Variants in PTPRG observed in about 807,000 individuals in gnomAD.
The protein encoded by PTPRG is receptor-type tyrosine-protein phosphatase gamma.
PTPRG carries 102 observed loss-of-function variants against 165.3 expected under a neutral mutation model. The observed-to-expected ratio is 0.62, with a 90% CI of 0.53 to 0.73. The LOEUF (loss-of-function observed/expected upper bound fraction) is 0.73, where lower values mean the gene tolerates loss of function less well. Ranked by LOEUF, PTPRG falls within the 30% of genes least tolerant of loss-of-function variation. PTPRG has a pLI of 0.00. For missense variants in PTPRG, 1,866 were observed against 1,861.4 expected (o/e 1.00, Z -0.05); for synonymous variants, 675 against 669.5 (o/e 1.01, Z -0.13).
chr3:61,789,363 C>T (rs537744020), intron 2 of PTPRG, among the ~76,000 whole-genome samples: 2 of 152,148 alleles, frequency 1.3e-5, no homozygotes, highest in Non-Finnish European at 2.9e-5. Context: ...CAGCCTCAGC[C>T]TCTCAAAGTG....
intron 5 of PTPRG, among the ~76,000 whole-genome samples, chr3:62,105,210 A>C (rs962885521): frequency 6.6e-6 from 1 of 152,174 alleles, no homozygotes; most frequent in African/African-American, 2.4e-5. Context: ...CACAAAGACA[A>C]ATAACATGTT....
chr3:62,131,077 C>T (rs1703496824), intron 5 of PTPRG, among the ~76,000 whole-genome samples: 1 of 152,130 alleles, frequency 6.6e-6, no homozygotes, highest in African/African-American at 2.4e-5. Flanking sequence ...TCACTATTAA[C>T]TCATAGAGCA....
At chr3:61,994,844 C>T (rs1395038381) in intron 3 of PTPRG, among the ~76,000 whole-genome samples, 1 of 152,182 alleles carries the variant, frequency 6.6e-6, no homozygotes, top group Non-Finnish European at 1.5e-5. Flanking sequence ...TGCTGCTCTG[C>T]TCAGACACAG....
intron 2 of PTPRG, among the ~76,000 whole-genome samples, chr3:61,901,746 C>T (rs915253006): frequency 2.6e-5 from 4 of 152,158 alleles, no homozygotes; most frequent in Admixed American, 6.5e-5. Context: ...CTAGGGTGAC[C>T]ACCTGCTCCT....
At chr3:61,933,895 A>C (rs1005434815) in intron 2 of PTPRG, among the ~76,000 whole-genome samples, 1 of 152,250 alleles carries the variant, frequency 6.6e-6, no homozygotes, top group African/African-American at 2.4e-5. Context: ...TCTCCACTGC[A>C]GAAATTCACC....
intron 1 of PTPRG, among the ~76,000 whole-genome samples, chr3:61,624,710 C>T (rs994700294): frequency 2.0e-5 from 3 of 152,210 alleles, no homozygotes; most frequent in African/African-American, 7.2e-5. Context: ...CATAATAGTA[C>T]TCACCTTCTA....
At chr3:62,041,577 T>C (rs984813238) in intron 4 of PTPRG, among the ~76,000 whole-genome samples, 2 of 152,220 alleles carry the variant, frequency 1.3e-5, no homozygotes, top group African/African-American at 4.8e-5. Flanking sequence ...ATTTCTCCCA[T>C]TGTGCTTAGA....
chr3:61,900,312 T>C (rs940026437), intron 2 of PTPRG, among the ~76,000 whole-genome samples: 1 of 152,216 alleles, frequency 6.6e-6, no homozygotes, highest in Non-Finnish European at 1.5e-5. Context: ...CCCATGAATT[T>C]GAGAATTTAA....
chr3:61,699,006 A>T (rs2030779713), intron 1 of PTPRG, among the ~76,000 whole-genome samples: 1 of 151,330 alleles, frequency 6.6e-6, no homozygotes, highest in Non-Finnish European at 1.5e-5. Flanking sequence ...AACATCACAC[A>T]CCAGGGACTG....
At chr3:61,574,545 C>T (rs527522890) in intron 1 of PTPRG, among the ~76,000 whole-genome samples, 2 of 152,232 alleles carry the variant, frequency 1.3e-5, no homozygotes, top group East Asian at 3.9e-4. Context: ...AATCTCTTGA[C>T]AGTTTTAGGC....
At chr3:61,974,986 C>T (rs1575840236) in intron 2 of PTPRG, among the ~76,000 whole-genome samples, 1 of 152,192 alleles carries the variant, frequency 6.6e-6, no homozygotes, top group East Asian at 1.9e-4. Flanking sequence ...TAACGAGAGT[C>T]TCTGGAGCCA....
At position 61,562,152 on chromosome 3, in the gene PTPRG, GC is replaced by G. The variant is rs1375119029; in HGVS notation, c.-134del. ...CTTCCCGGATTCCAAGGGGACTCGG[GC>G]CGCCGAGCGCGGGGGGCCCGTGGAG... On this transcript the variant is annotated 5_prime_UTR_variant, in exon 1 of 30. Coordinates refer to ENST00000474889, the MANE Select transcript of PTPRG (RefSeq NM_002841.4). 5.5e-6 allele frequency: 4 copies of G among 729,258 alleles called. No individual in the cohort carries two copies. The highest frequency in any genetic ancestry group is 9.3e-6 in the Non-Finnish European group (4 of 430,236). The allele number at this position is 729,258 out of a possible 1,614,324, so 45.2% of individuals were successfully genotyped here.
intron 2 of PTPRG, among the ~76,000 whole-genome samples, chr3:61,767,720 G>C (rs2034071993): frequency 6.6e-6 from 1 of 152,078 alleles, no homozygotes; most frequent in South Asian, 2.1e-4. Flanking sequence ...TATAATCTCA[G>C]CACTTTGGGA....
intron 2 of PTPRG, among the ~76,000 whole-genome samples, chr3:61,834,016 A>C (rs2036387502): frequency 6.6e-6 from 1 of 152,224 alleles, no homozygotes; most frequent in Non-Finnish European, 1.5e-5. Flanking sequence ...AAAATGATTA[A>C]TAACATGGAG....
chr3:62,027,139 G>C (rs959997201), intron 4 of PTPRG, among the ~76,000 whole-genome samples: 1 of 152,020 alleles, frequency 6.6e-6, no homozygotes, highest in Non-Finnish European at 1.5e-5. Context: ...TCCATGGCTA[G>C]TTAGTAGAAC....
chr3:62,039,436 A>G (rs1256274034), intron 4 of PTPRG, among the ~76,000 whole-genome samples: 1 of 152,118 alleles, frequency 6.6e-6, no homozygotes, highest in Non-Finnish European at 1.5e-5. Context: ...TTTTTTTCTA[A>G]TAAAACTGTG....
chr3:62,033,357 A>G (rs1575915667), intron 4 of PTPRG, among the ~76,000 whole-genome samples: 1 of 132,448 alleles, frequency 7.6e-6, no homozygotes, highest in African/African-American at 3.0e-5. Context: ...ACTGCTCCCT[A>G]TACATTTTTT....
At chr3:61,597,205 T>C (rs1700723258) in intron 1 of PTPRG, among the ~76,000 whole-genome samples, 2 of 152,178 alleles carry the variant, frequency 1.3e-5, no homozygotes, top group African/African-American at 2.4e-5. Flanking sequence ...CCCATTATGC[T>C]CCACCCAACA....
intron 2 of PTPRG, among the ~76,000 whole-genome samples, chr3:61,836,892 ACG>A: frequency 6.7e-6 from 1 of 148,932 alleles, no homozygotes; most frequent in African/African-American, 2.5e-5. Flanking sequence ...CTACAGGCAC[ACG>A]CCACCAGGCC....
Sources: allele counts gnomAD v4.1 joint callset (sites outside exome capture counted in the v4.1 genomes callset), GRCh38; gene constraint gnomAD v4.1.1; transcripts MANE v1.5; gene names NCBI Gene and HGNC (gene_info 2026-07-23, HGNC 2026-07-21).